The following KCNT2 variants were observed in gnomAD, a reference collection of about 807,000 sequenced individuals.
KCNT2 encodes the protein potassium sodium-activated channel subfamily T member 2, also known as potassium channel subfamily T member 2.
A neutral mutation model predicts 153.8 loss-of-function variants in KCNT2; 67 were observed. That is an observed-to-expected ratio of 0.44 (90% CI 0.36 to 0.53). KCNT2 has a LOEUF of 0.53. Among genes scored for constraint, KCNT2 ranks in the 20% least tolerant of loss-of-function variants. KCNT2 has a pLI of 0.00. For synonymous variants in KCNT2, 500 were observed against 458.8 expected, an observed-to-expected ratio of 1.09 and a Z score of -1.15; for missense variants, 975 against 1,354.8, an observed-to-expected ratio of 0.72 and a Z score of 4.40.
chr1:196,323,896 T>G (rs761070580), intron 19 of KCNT2, among the ~76,000 whole-genome samples: 37 of 151,714 alleles, frequency 2.4e-4, no homozygotes, highest in African/African-American at 3.9e-4. Flanking sequence ...AAAGCCTCAT[T>G]TTTTTTGTAA....
intron 1 of KCNT2, among the ~76,000 whole-genome samples, chr1:196,530,479 T>G (rs1211939910): frequency 6.6e-6 from 1 of 152,080 alleles, no homozygotes; most frequent in East Asian, 1.9e-4. Context: ...AAAGTACTAT[T>G]AAGTGGAAAA....
intron 1 of KCNT2, among the ~76,000 whole-genome samples, chr1:196,577,618 C>T (rs1458808164): frequency 6.6e-6 from 1 of 152,122 alleles, no homozygotes; most frequent in African/African-American, 2.4e-5. Flanking sequence ...GGCAATGGTG[C>T]CTGGCCCTAA....
intron 14 of KCNT2, among the ~76,000 whole-genome samples, chr1:196,349,768 A>G (rs1425589629): frequency 6.6e-6 from 1 of 152,062 alleles, no homozygotes; most frequent in Non-Finnish European, 1.5e-5. Flanking sequence ...CACGTTAGTT[A>G]CATATGTATA....
At chr1:196,286,968 T>G (rs116750400) in intron 22 of KCNT2, among the ~76,000 whole-genome samples, 8 of 152,062 alleles carry the variant, frequency 5.3e-5, no homozygotes, top group Non-Finnish European at 1.0e-4. Context: ...CCTTCACTTC[T>G]TGAGGCAACA....
At chr1:196,416,968 T>A (rs1672808074) in intron 12 of KCNT2, among the ~76,000 whole-genome samples, 1 of 152,056 alleles carries the variant, frequency 6.6e-6, no homozygotes, top group African/African-American at 2.4e-5. Context: ...CTACTCTCTA[T>A]GTCCATTAGT....
intron 20 of KCNT2, among the ~76,000 whole-genome samples, chr1:196,316,294 T>C (rs1572013518): frequency 6.6e-6 from 1 of 151,712 alleles, no homozygotes; most frequent in African/African-American, 2.4e-5. Context: ...ATAATTTTTA[T>C]TAATTATATA....
intron 1 of KCNT2, among the ~76,000 whole-genome samples, chr1:196,511,626 C>A (rs908029557): frequency 6.6e-6 from 1 of 152,090 alleles, no homozygotes; most frequent in Admixed American, 6.6e-5. Flanking sequence ...GCCAGAACTC[C>A]AAATCAAGGT....
intron 26 of KCNT2, among the ~76,000 whole-genome samples, chr1:196,246,237 A>G (rs1655433113): frequency 6.6e-6 from 1 of 152,146 alleles, no homozygotes; most frequent in Non-Finnish European, 1.5e-5. Context: ...GAATAGGAAT[A>G]ATACTTGTAT....
chr1:196,328,682 C>T (rs1413060246), intron 18 of KCNT2, among the ~76,000 whole-genome samples: 1 of 148,374 alleles, frequency 6.7e-6, no homozygotes, highest in African/African-American at 2.5e-5. Flanking sequence ...GACTTGCACA[C>T]AAAGTAAACC....
intron 25 of KCNT2, among the ~76,000 whole-genome samples, chr1:196,274,732 C>T (rs888592896): frequency 6.6e-6 from 1 of 151,790 alleles, no homozygotes; most frequent in Non-Finnish European, 1.5e-5. Context: ...CACAAATGTA[C>T]TGCATACACT....
intron 1 of KCNT2, among the ~76,000 whole-genome samples, chr1:196,494,395 G>T (rs1238421062): frequency 4.6e-5 from 7 of 152,008 alleles, no homozygotes; most frequent in Admixed American, 2.6e-4. Flanking sequence ...TGTAACAGAG[G>T]AGCCTTTTTT....
At chr1:196,299,081 A>T (rs909626767) in intron 22 of KCNT2, among the ~76,000 whole-genome samples, 1 of 152,098 alleles carries the variant, frequency 6.6e-6, no homozygotes, top group African/African-American at 2.4e-5. Context: ...AGATACACAC[A>T]TTAATAAAAG....
At chr1:196,435,604 A>G (rs934593957) in intron 8 of KCNT2, among the ~76,000 whole-genome samples, 1 of 151,750 alleles carries the variant, frequency 6.6e-6, no homozygotes, top group Admixed American at 6.6e-5. Context: ...TAACTTTGCT[A>G]CCATGTTGAC....
At chr1:196,474,253 T>C (rs559772553) in intron 5 of KCNT2, among the ~76,000 whole-genome samples, 5 of 152,292 alleles carry the variant, frequency 3.3e-5, no homozygotes, top group African/African-American at 1.2e-4. Flanking sequence ...ATATTAGTTA[T>C]AGCAGTTCAT....
chr1:196,474,315 C>T (rs1214241272), intron 5 of KCNT2, among the ~76,000 whole-genome samples: 2 of 151,996 alleles, frequency 1.3e-5, no homozygotes, highest in African/African-American at 4.8e-5. Flanking sequence ...ACTTTTTGTT[C>T]TTAAATGTTA....
chr1:196,526,610 A>G (rs991711350), intron 1 of KCNT2, among the ~76,000 whole-genome samples: 1 of 151,764 alleles, frequency 6.6e-6, no homozygotes, highest in Non-Finnish European at 1.5e-5. Flanking sequence ...GCGCTGCCAC[A>G]CCCAGCTAAT....
intron 26 of KCNT2, chr1:196,257,162 G>T: frequency 2.4e-6 from 2 of 817,776 alleles, no homozygotes; most frequent in Non-Finnish European, 3.0e-6. Flanking sequence ...ATCAAATCAG[G>T]GTTATAAAGA....
chr1:196,428,029 C>T (rs1673804903), intron 10 of KCNT2, 76 bp downstream of exon 10: 1 of 1,107,850 alleles, frequency 9.0e-7, no homozygotes, highest in Non-Finnish European at 1.3e-6. Context: ...AAGCAGGCTG[C>T]ACCATCAGTT....
At chr1:196,326,126 T>C (rs1663825376) in intron 19 of KCNT2, among the ~76,000 whole-genome samples, 1 of 152,136 alleles carries the variant, frequency 6.6e-6, no homozygotes, top group Admixed American at 6.6e-5. Context: ...GTGACCCATA[T>C]TTATATTTGC....
Sources: gnomAD v4.1 joint callset for allele counts (sites outside exome capture counted in the v4.1 genomes callset) on GRCh38, gnomAD v4.1.1 for gene constraint, MANE v1.5 for transcripts, NCBI Gene and HGNC (gene_info 2026-07-23, HGNC 2026-07-21) for gene names.